ANKS1B: variants seen among roughly 807,000 people sequenced by gnomAD.
ANKS1B encodes the protein ankyrin repeat and sterile alpha motif domain containing 1B, also known as ankyrin repeat and sterile alpha motif domain-containing protein 1B.
A neutral mutation model predicts 148.3 loss-of-function variants in ANKS1B; 36 were observed. The observed-to-expected ratio is 0.24, with a 90% confidence interval of 0.19 to 0.32. The LOEUF is 0.32. ANKS1B is among the 10% of genes least tolerant of loss of function. The pLI, the probability that ANKS1B is intolerant of heterozygous loss-of-function variation, is 1.00. For missense variants in ANKS1B, 1,157 were observed against 1,542.6 expected, an observed-to-expected ratio of 0.75 and a Z score of 4.19; for synonymous variants, 542 against 560.8, an observed-to-expected ratio of 0.97 and a Z score of 0.47.
intron 8 of ANKS1B, among the ~76,000 whole-genome samples, chr12:99,699,598 G>C (rs11836258): frequency 0.18 from 27,879 of 152,108 alleles, 3,004 homozygotes; most frequent in Middle Eastern, 0.24. Context: ...TTGTATTGCT[G>C]TTTTAAATAT....
intron 8 of ANKS1B, among the ~76,000 whole-genome samples, chr12:99,687,933 TA>T (rs2098658732): frequency 1.3e-5 from 2 of 152,236 alleles, no homozygotes; most frequent in African/African-American, 4.8e-5. Context: ...TTATATTCTT[TA>T]TAACCAGGAC....
intron 15 of ANKS1B, among the ~76,000 whole-genome samples, chr12:99,093,933 T>C (rs2055003392): frequency 6.6e-6 from 1 of 152,178 alleles, no homozygotes; most frequent in African/African-American, 2.4e-5. Context: ...AATTTCCTGA[T>C]AAAATACAGA....
In ANKS1B at chr12:99,593,775, A is replaced by G. The variant is rs191405582; in HGVS notation, c.1272+61292T>C. 1.8e-4 allele frequency among the ~76,000 whole-genome samples: 27 copies of G among 152,238 alleles called. 1 individual carries two copies. Among genetic ancestry groups the G allele is most frequent in the African/African-American group, 6.5e-4 (27 of 41,566 alleles). ...ATATCAGTAGGATTAGGTTGTGACA[A>G]TAGCATTTAAATTCCATGAGAACTT... On this transcript the variant is annotated intron_variant, in intron 9 of 26. Transcript: ENST00000683438.
At chr12:98,884,004 AG>A (rs755311241) in intron 17 of ANKS1B, among the ~76,000 whole-genome samples, 2 of 152,192 alleles carry the variant, frequency 1.3e-5, no homozygotes, top group African/African-American at 4.8e-5. Flanking sequence ...TTAATGATAA[AG>A]GTGTGTATTA....
At chr12:99,281,229 G>A (rs937480557) in intron 12 of ANKS1B, among the ~76,000 whole-genome samples, 3 of 152,154 alleles carry the variant, frequency 2.0e-5, no homozygotes, top group Non-Finnish European at 2.9e-5. Context: ...CTCAGAGTAT[G>A]CGGTTTATGT....
chr12:99,330,392 G>C (rs2087275547), intron 12 of ANKS1B, among the ~76,000 whole-genome samples: 1 of 151,968 alleles, frequency 6.6e-6, no homozygotes, highest in African/African-American at 2.4e-5. Flanking sequence ...ATGCAGTTTA[G>C]ATATGGCCCT....
intron 1 of ANKS1B, among the ~76,000 whole-genome samples, chr12:99,965,109 A>T (rs11110160): frequency 1.3e-4 from 20 of 152,180 alleles, no homozygotes; most frequent in African/African-American, 4.8e-4. Context: ...AGCCATGAGC[A>T]TAACAATACC....
At chr12:99,758,364 G>C (rs906216703) in intron 8 of ANKS1B, among the ~76,000 whole-genome samples, 16 of 151,890 alleles carry the variant, frequency 1.1e-4, no homozygotes, top group African/African-American at 3.9e-4. Context: ...TAACCTTTCA[G>C]TGATACAGAG....
chr12:99,953,573 T>G (rs572710407), intron 1 of ANKS1B, among the ~76,000 whole-genome samples: 1 of 150,728 alleles, frequency 6.6e-6, no homozygotes, highest in South Asian at 2.1e-4. Context: ...TTTTTGTGTT[T>G]TTTTGGTTTG....
At position 98,829,347 on chromosome 12, in the gene ANKS1B, T is replaced by C; in HGVS notation, c.2893A>G (p.Ser965Gly). 6.2e-7 allele frequency: 1 copy of C among 1,613,300 alleles called. No individual in the cohort carries two copies. Among genetic ancestry groups the C allele is most frequent in the Non-Finnish European group, 8.5e-7 (1 of 1,179,568 alleles). ...AACTGAGGAGGAGTGTGATTACCAC[T>C]GGGTTCCTGAATGGAAATACATCAT... Reference protein sequence around the residue: ...PPRSITLREPSGNHTPPQLSP... With the variant: ...PPRSITLREPGGNHTPPQLSP... Residue 965 changes from serine (S) to glycine (G), a missense_variant, in exon 19 of 27, where the codon AGT becomes GGT. By Grantham distance (56) the Ser-to-Gly change is moderately conservative. Coordinates refer to ENST00000683438, the MANE Select transcript of ANKS1B (RefSeq NM_001352186.2). This position sits in a 1 kb window ranked among gnomAD's most constrained non-coding sequence, Gnocchi z 5.2.
intron 17 of ANKS1B, among the ~76,000 whole-genome samples, chr12:98,992,679 T>C (rs2099927330): frequency 6.6e-6 from 1 of 152,222 alleles, no homozygotes; most frequent in Non-Finnish European, 1.5e-5. Flanking sequence ...TTTAGCAGTG[T>C]GAGAATGGAC....
chr12:99,747,925 T>C (rs1391398102), intron 8 of ANKS1B, among the ~76,000 whole-genome samples: 2 of 152,092 alleles, frequency 1.3e-5, no homozygotes, highest in Non-Finnish European at 1.5e-5. Flanking sequence ...AATCTGAAAG[T>C]CAGGAGAAGA....
chr12:99,646,461 G>T (rs570182974), intron 9 of ANKS1B, among the ~76,000 whole-genome samples: 28 of 152,092 alleles, frequency 1.8e-4, no homozygotes, highest in Admixed American at 9.8e-4. Flanking sequence ...TTCGAGACCA[G>T]CCTGAGCAAT....
chr12:99,152,169 AAATT>A (rs2075111606), intron 15 of ANKS1B, among the ~76,000 whole-genome samples: 1 of 152,192 alleles, frequency 6.6e-6, no homozygotes, highest in Non-Finnish European at 1.5e-5. Flanking sequence ...ATAAAGGTAG[AAATT>A]AATCGCTTAT....
chr12:99,918,822 G>A (rs2094255518), intron 1 of ANKS1B, among the ~76,000 whole-genome samples: 1 of 152,030 alleles, frequency 6.6e-6, no homozygotes, highest in Non-Finnish European at 1.5e-5. Flanking sequence ...ACAATGTCTA[G>A]CTCTGTCTTC....
At chr12:99,732,941 C>G (rs1053278150) in intron 8 of ANKS1B, among the ~76,000 whole-genome samples, 2 of 151,968 alleles carry the variant, frequency 1.3e-5, no homozygotes, top group African/African-American at 4.8e-5. Flanking sequence ...CAACATTTAT[C>G]TTAAGCCAGA....
chr12:98,854,428 G>GA (rs2099550632), intron 17 of ANKS1B, among the ~76,000 whole-genome samples: 1 of 152,134 alleles, frequency 6.6e-6, no homozygotes. Flanking sequence ...TAATATGACT[G>GA]AAAAATCACA....
intron 11 of ANKS1B, among the ~76,000 whole-genome samples, chr12:99,400,255 T>C (rs1366961374): frequency 8.7e-6 from 1 of 114,832 alleles, no homozygotes; most frequent in Non-Finnish European, 1.9e-5. Flanking sequence ...TTTTTATTCT[T>C]TAAATAGTCC....
At chr12:99,058,862 C>T (rs1474622814) in intron 16 of ANKS1B, among the ~76,000 whole-genome samples, 3 of 150,354 alleles carry the variant, frequency 2.0e-5, no homozygotes, top group Admixed American at 6.6e-5. Flanking sequence ...CTCAGCCTCC[C>T]GAGTAGCTGG....
Sources: allele counts gnomAD v4.1 joint callset (sites outside exome capture counted in the v4.1 genomes callset), GRCh38; gene constraint gnomAD v4.1.1; non-coding constraint Gnocchi (gnomAD v3.1); transcripts MANE v1.5; gene names NCBI Gene and HGNC (gene_info 2026-07-23, HGNC 2026-07-21).